The following NEK7 variants were observed in gnomAD, a reference collection of about 807,000 sequenced individuals.
NEK7 encodes serine/threonine-protein kinase Nek7.
Under a neutral mutation model 44.6 loss-of-function variants are expected in NEK7, and 18 were observed. The ratio of observed to expected loss-of-function variants is 0.40; its 90% CI spans 0.28 to 0.60. The LOEUF is 0.60. Among genes scored for constraint, NEK7 ranks in the 20% least tolerant of loss-of-function variants. NEK7 has a pLI of 0.38. For missense variants in NEK7, 256 were observed against 366.5 expected, an observed-to-expected ratio of 0.70 and a Z score of 2.46; for synonymous variants, 130 against 121.1, an observed-to-expected ratio of 1.07 and a Z score of -0.48.
chr1:198,247,103 A>C (rs1464678798), intron 2 of NEK7, among the ~76,000 whole-genome samples: 3 of 152,208 alleles, frequency 2.0e-5, no homozygotes, highest in Non-Finnish European at 2.9e-5. Flanking sequence ...TCACATTGAC[A>C]CTTAATTGTA....
chr1:198,239,151 C>G (rs1364105829), intron 2 of NEK7, among the ~76,000 whole-genome samples: 1 of 152,182 alleles, frequency 6.6e-6, no homozygotes, highest in Non-Finnish European at 1.5e-5. Context: ...CTAGTTCATT[C>G]TCTACATTGC....
At position 198,179,460 on chromosome 1, in the gene NEK7, G is replaced by A. The variant is rs555763556; in HGVS notation, c.-29+22184G>A. ...TTTAAATTTGGTCTAACAGTTAAGT[G>A]ACAGAGAATTCATACAGATTCTTGA... On this transcript the variant is annotated intron_variant, in intron 1 of 9. Transcript: ENST00000367385. 1.4e-4 allele frequency among the ~76,000 whole-genome samples: 22 copies of A among 152,142 alleles called. No homozygotes were observed. The South Asian group carries it at 4.1e-3, about 29-fold the overall frequency.
intron 1 of NEK7, among the ~76,000 whole-genome samples, chr1:198,225,781 G>GCTCA (rs1666204050): frequency 6.6e-6 from 1 of 151,922 alleles, no homozygotes; most frequent in South Asian, 2.1e-4. Context: ...CTCTTCCTTA[G>GCTCA]CTCATCTTTT....
chr1:198,234,848 C>T (rs1224691967), intron 2 of NEK7, among the ~76,000 whole-genome samples: 2 of 152,134 alleles, frequency 1.3e-5, no homozygotes, highest in Admixed American at 6.6e-5. Flanking sequence ...TTTTTTTCCC[C>T]TCCTCTCTGC....
chr1:198,246,316 C>G (rs146852002), intron 2 of NEK7, among the ~76,000 whole-genome samples: 1 of 152,274 alleles, frequency 6.6e-6, no homozygotes, highest in East Asian at 1.9e-4. Context: ...CACTGGGTGA[C>G]AGGACATGGG....
chr1:198,177,692 G>A lies in NEK7; in HGVS notation c.-29+20416G>A, dbSNP rs1424377895. On this transcript the variant is annotated intron_variant, in intron 1 of 9. Coordinates refer to ENST00000367385, the MANE Select transcript of NEK7 (RefSeq NM_133494.3). ...TATAAAACTTATAATCTGAGAACTGGGAATGAAGTGTTGGGGGAAAGGGAA... is the reference window on the plus strand; with the variant it reads ...TATAAAACTTATAATCTGAGAACTGAGAATGAAGTGTTGGGGGAAAGGGAA... Among the ~76,000 whole-genome samples, 5 of 152,114 alleles carry A rather than the reference G, an allele frequency of 3.3e-5. No homozygotes were observed. The East Asian group carries it at 7.7e-4, about 24-fold the overall frequency.
chr1:198,184,217 A>G (rs544841082), intron 1 of NEK7, among the ~76,000 whole-genome samples: 3 of 152,116 alleles, frequency 2.0e-5, no homozygotes, highest in African/African-American at 4.8e-5. Context: ...TCACTGGGCA[A>G]TTTTCACAAA....
intron 2 of NEK7, among the ~76,000 whole-genome samples, chr1:198,242,473 CT>C (rs35704352): frequency 0.73 from 78,129 of 106,888 alleles, 28,727 homozygotes; most frequent in East Asian, 0.85. Flanking sequence ...TCTCAGCTCA[CT>C]TTTTTTTTTT....
intron 9 of NEK7, among the ~76,000 whole-genome samples, chr1:198,309,839 A>G (rs941425835): frequency 2.0e-5 from 3 of 152,180 alleles, no homozygotes; most frequent in Non-Finnish European, 2.9e-5. Context: ...AATCCAGTCT[A>G]TCATTGTTGG....
intron 3 of NEK7, among the ~76,000 whole-genome samples, chr1:198,260,299 T>G (rs564629307): frequency 3.3e-5 from 5 of 152,164 alleles, no homozygotes; most frequent in Admixed American, 2.6e-4. Flanking sequence ...TCCATTTATA[T>G]CTAGCTCATT....
intron 3 of NEK7, among the ~76,000 whole-genome samples, chr1:198,258,685 G>A (rs1031160761): frequency 6.6e-6 from 1 of 152,130 alleles, no homozygotes; most frequent in East Asian, 1.9e-4. Context: ...AAATGATTCA[G>A]AGAATACCAA....
chr1:198,256,424 G>A (rs948883945), intron 3 of NEK7: 1 of 1,611,158 alleles, frequency 6.2e-7, no homozygotes, highest in Non-Finnish European at 8.5e-7. Context: ...ACAGTATATG[G>A]CAACATTAAC....
At chr1:198,237,597 C>A (rs893208026) in intron 2 of NEK7, among the ~76,000 whole-genome samples, 18 of 152,200 alleles carry the variant, frequency 1.2e-4, no homozygotes, top group African/African-American at 4.3e-4. Context: ...TTGAGCACTT[C>A]TTTTCTTCTC....
intron 1 of NEK7, among the ~76,000 whole-genome samples, chr1:198,218,409 C>G (rs1313079303): frequency 1.3e-5 from 2 of 151,794 alleles, no homozygotes; most frequent in African/African-American, 4.8e-5. Context: ...CACTATATTA[C>G]AAAAGTTAAC....
intron 1 of NEK7, among the ~76,000 whole-genome samples, chr1:198,219,285 ATAAT>A (rs971071038): frequency 1.2e-4 from 18 of 149,702 alleles, no homozygotes; most frequent in African/African-American, 2.9e-4. Context: ...ATTTTTATAT[ATAAT>A]TAATATATTA....
chr1:198,214,352 C>A (rs1665858404), intron 1 of NEK7, among the ~76,000 whole-genome samples: 1 of 151,844 alleles, frequency 6.6e-6, no homozygotes, highest in African/African-American at 2.4e-5. Context: ...AAATACCAGG[C>A]AAAGAATTCA....
intron 5 of NEK7, among the ~76,000 whole-genome samples, chr1:198,267,396 A>T (rs756559479): frequency 2.4e-4 from 37 of 152,020 alleles, no homozygotes; most frequent in South Asian, 6.2e-4. Context: ...CAATTGAGAA[A>T]AATTAAATAA....
intron 8 of NEK7, among the ~76,000 whole-genome samples, chr1:198,295,797 CAAA>C (rs1403582329): frequency 7.5e-6 from 1 of 132,540 alleles, no homozygotes; most frequent in Non-Finnish European, 1.5e-5. Context: ...GCATTTAAAA[CAAA>C]AACCACTATT....
At chr1:198,307,638 C>T (rs893343258) in intron 9 of NEK7, among the ~76,000 whole-genome samples, 3 of 152,048 alleles carry the variant, frequency 2.0e-5, no homozygotes, top group African/African-American at 7.2e-5. Flanking sequence ...AGGTGGACAC[C>T]CTTAGTGAAA....
Sources: gnomAD v4.1 joint callset for allele counts (sites outside exome capture counted in the v4.1 genomes callset) on GRCh38, gnomAD v4.1.1 for gene constraint, MANE v1.5 for transcripts, NCBI Gene and HGNC (gene_info 2026-07-23, HGNC 2026-07-21) for gene names.